Variants in CCDC181 observed in about 807,000 individuals in gnomAD.
CCDC181 encodes coiled-coil domain containing 181.
In CCDC181, 35 loss-of-function variants were observed where a neutral mutation model predicts 58.7. The ratio of observed to expected loss-of-function variants is 0.60; its 90% CI spans 0.46 to 0.79. The LOEUF (loss-of-function observed/expected upper bound fraction) is 0.79, where lower values mean the gene tolerates loss of function less well. Among genes scored for constraint, CCDC181 ranks in the 30% least tolerant of loss-of-function variants. The pLI, the probability that CCDC181 is intolerant of heterozygous loss-of-function variation, is 0.00. For missense variants in CCDC181, 517 were observed against 583.9 expected (o/e 0.89, Z 1.18); for synonymous variants, 183 against 197.5 (o/e 0.93, Z 0.62).
intron 2 of CCDC181, among the ~76,000 whole-genome samples, chr1:169,458,793 C>T (rs1657752078): frequency 6.6e-6 from 1 of 151,894 alleles, no homozygotes; most frequent in Non-Finnish European, 1.5e-5. Flanking sequence ...CTGACTCTTA[C>T]TTGCAGTTGC....
At chr1:169,428,441 T>A (rs1382257177), upstream of CCDC181, among the ~76,000 whole-genome samples, 1 of 151,926 alleles carries the variant, frequency 6.6e-6, no homozygotes, top group Non-Finnish European at 1.5e-5. Context: ...ACTCCTAGGT[T>A]AATAGTTTTT....
At chr1:169,444,007 ACTCAACTTATT>A (rs1197119040) in intron 2 of CCDC181, among the ~76,000 whole-genome samples, 1 of 152,198 alleles carries the variant, frequency 6.6e-6, no homozygotes, top group African/African-American at 2.4e-5. Context: ...TTAAATTTAT[ACTCAACTTATT>A]CTCAAACAGA....
chr1:169,434,017 G>T (rs1023441584), intron 2 of CCDC181, among the ~76,000 whole-genome samples: 1 of 151,920 alleles, frequency 6.6e-6, no homozygotes, highest in Non-Finnish European at 1.5e-5. Flanking sequence ...GAAAATATTC[G>T]CAAATGATAT....
chr1:169,444,326 A>G (rs1038011312), intron 2 of CCDC181, among the ~76,000 whole-genome samples: 1 of 152,198 alleles, frequency 6.6e-6, no homozygotes, highest in Non-Finnish European at 1.5e-5. Context: ...TGCACGAGGA[A>G]GAAGAAATCA....
chr1:169,443,449 C>G (rs1035071095), intron 2 of CCDC181: 1 of 151,920 alleles, frequency 6.6e-6, no homozygotes, highest in African/African-American at 2.4e-5. Context: ...GGAAAAGAAA[C>G]GAAATGAATC....
intron 4 of CCDC181, among the ~76,000 whole-genome samples, chr1:169,411,816 T>A (rs1409937383): frequency 2.6e-5 from 4 of 152,134 alleles, no homozygotes; most frequent in Admixed American, 2.0e-4. Context: ...AGGCCTTCGA[T>A]AAAATTCAAC....
exon 1 of CCDC181, chr1:169,460,460 CG>C (rs1657813404): frequency 1.3e-5 from 2 of 152,338 alleles, no homozygotes; most frequent in Non-Finnish European, 2.9e-5. Context: ...CGCAGAATCA[CG>C]TAGGGGCTGC....
At chr1:169,457,693 T>G (rs1657713736) in intron 2 of CCDC181, among the ~76,000 whole-genome samples, 1 of 152,206 alleles carries the variant, frequency 6.6e-6, no homozygotes. Flanking sequence ...TTAACTGTAT[T>G]TAATCTGCTG....
intron 2 of CCDC181, among the ~76,000 whole-genome samples, chr1:169,452,379 T>C (rs1466450978): frequency 6.6e-6 from 1 of 152,096 alleles, no homozygotes; most frequent in Non-Finnish European, 1.5e-5. Context: ...AGTGGAATGA[T>C]GGGGATTCTA....
rs1424662384 is a variant in CCDC181, at chr1:169,398,142, G to C, written c.1216-751C>G. 2.6e-5 allele frequency among the ~76,000 whole-genome samples: 4 copies of C among 152,182 alleles called. No homozygotes were observed. In the East Asian group the frequency reaches 7.7e-4, roughly 29 times the overall value. ...ACCTGGAAGTCTGGGAATTGCTAGA[G>C]ATGACATAAAAATGTTCAATCGGGA... is the stretch of plus-strand genomic sequence containing the variant. On this transcript the variant is annotated intron_variant, in intron 4 of 5. Coordinates refer to ENST00000367806, the MANE Select transcript of CCDC181 (RefSeq NM_001300969.2).
intron 2 of CCDC181, among the ~76,000 whole-genome samples, chr1:169,459,508 G>T (rs1657776607): frequency 6.6e-6 from 1 of 152,078 alleles, no homozygotes; most frequent in Non-Finnish European, 1.5e-5. Flanking sequence ...TGACTTACGG[G>T]TAAGCATATT....
Position 169,395,153 on chromosome 1 carries a change from TC to T in CCDC181, c.1423del (p.Glu475ArgfsTer8), listed in dbSNP as rs1654942306. 1 of 1,613,226 alleles carries T rather than the reference TC, an allele frequency of 6.2e-7. No individual in the cohort carries two copies. On this transcript the variant is annotated frameshift_variant, in exon 6 of 6. Transcript: ENST00000367806. LOFTEE classifies it high-confidence loss of function. ...TTCTAGTCGGAGCTGTCTAGTTCTCTCTCTGACAGCTTGTTGCTCTGCCATT... is the reference window on the plus strand; with the variant it reads ...TTCTAGTCGGAGCTGTCTAGTTCTCTTCTGACAGCTTGTTGCTCTGCCATT... ...EKMAEQQAVR[E>X]RTRQLRLEAK... is the part of the protein sequence containing the mutation.
chr1:169,402,656 G>T (rs1655415928), intron 4 of CCDC181, among the ~76,000 whole-genome samples: 1 of 152,068 alleles, frequency 6.6e-6, no homozygotes. Context: ...CCTGAAGGAA[G>T]CACTAAACAT....
chr1:169,452,355 T>C (rs371865498), intron 2 of CCDC181, among the ~76,000 whole-genome samples: 43 of 152,252 alleles, frequency 2.8e-4, no homozygotes, highest in African/African-American at 9.9e-4. Context: ...AATCACTGTT[T>C]TGACAGTAGT....
chr1:169,415,363 A>G (rs1656166052), intron 4 of CCDC181, among the ~76,000 whole-genome samples: 1 of 151,980 alleles, frequency 6.6e-6, no homozygotes, highest in African/African-American at 2.4e-5. Flanking sequence ...CCCAATCCCA[A>G]ATTCCTCCTG....
upstream of CCDC181, among the ~76,000 whole-genome samples, chr1:169,431,971 A>G (rs1480112021): frequency 2.6e-5 from 4 of 152,194 alleles, no homozygotes; most frequent in Non-Finnish European, 5.9e-5. Context: ...TAAGACATTA[A>G]AAAGCAACTA....
At chr1:169,431,463 A>G (rs973265656), upstream of CCDC181, among the ~76,000 whole-genome samples, 7 of 152,214 alleles carry the variant, frequency 4.6e-5, no homozygotes, top group African/African-American at 1.7e-4. Context: ...TAAATGAAGT[A>G]CTGCTGGAGG....
chr1:169,405,704 C>G (rs148137977), intron 4 of CCDC181, among the ~76,000 whole-genome samples: 22 of 152,234 alleles, frequency 1.4e-4, no homozygotes, highest in African/African-American at 4.8e-4. Flanking sequence ...CATAAAAACC[C>G]TAGAAGAAAA....
At chr1:169,434,295 G>A (rs905940607) in intron 2 of CCDC181, among the ~76,000 whole-genome samples, 1 of 151,944 alleles carries the variant, frequency 6.6e-6, no homozygotes, top group Non-Finnish European at 1.5e-5. Flanking sequence ...ATATTGGCAA[G>A]GATGTGGATA....
Sources: gnomAD v4.1 joint callset for allele counts (sites outside exome capture counted in the v4.1 genomes callset) on GRCh38, gnomAD v4.1.1 for gene constraint, MANE v1.5 for transcripts, NCBI Gene and HGNC (gene_info 2026-07-23, HGNC 2026-07-21) for gene names.